The following GRIN2A variants were observed in gnomAD, a reference collection of about 807,000 sequenced individuals.
GRIN2A encodes the protein glutamate ionotropic receptor NMDA type subunit 2A.
In GRIN2A, 22 loss-of-function variants were observed where a neutral mutation model predicts 113.4. The observed-to-expected ratio is 0.19, with a 90% CI of 0.14 to 0.28. The LOEUF (loss-of-function observed/expected upper bound fraction) is 0.28. GRIN2A is among the 10% of genes least tolerant of loss of function. GRIN2A has a pLI of 1.00. For missense variants in GRIN2A, 1,502 were observed against 1,887.0 expected (o/e 0.80, Z 3.78); for synonymous variants, 827 against 738.4 (o/e 1.12, Z -1.94).
intron 2 of GRIN2A, among the ~76,000 whole-genome samples, chr16:9,956,466 C>T (rs1264451870): frequency 6.6e-6 from 1 of 152,162 alleles, no homozygotes; most frequent in Admixed American, 6.5e-5. Flanking sequence ...ATCTTACCAA[C>T]TTCTAGAACT....
chr16:10,096,673 A>G (rs1399848389), intron 2 of GRIN2A, among the ~76,000 whole-genome samples: 1 of 151,900 alleles, frequency 6.6e-6, no homozygotes, highest in Admixed American at 6.6e-5. Context: ...GAAAGTGTGG[A>G]TTTTACTCCA....
chr16:10,139,824 T>C (rs926579843), intron 2 of GRIN2A, among the ~76,000 whole-genome samples: 1 of 126,728 alleles, frequency 7.9e-6, no homozygotes, highest in African/African-American at 2.7e-5. Flanking sequence ...CCCAGAGAGA[T>C]GAGATAAATA....
chr16:9,849,328 T>C (rs1194238398), intron 5 of GRIN2A, among the ~76,000 whole-genome samples: 1 of 150,768 alleles, frequency 6.6e-6, no homozygotes, highest in African/African-American at 2.4e-5. Context: ...AATATGTATG[T>C]TCAAAAATAA....
chr16:9,923,611 G>A lies in GRIN2A; in HGVS notation c.1007+14348C>T, dbSNP rs187032307. Among the ~76,000 whole-genome samples, 677 of 151,836 alleles carry A rather than the reference G, an allele frequency of 4.5e-3. 4 individuals carry two copies. The highest frequency in any genetic ancestry group is 0.014 in the Middle Eastern group (4 of 292). Reference sequence around the variant, plus strand: ...GTTAGTGGTTTGTTTAGAGTTTATAGTATATATTTTAAATTTATCATGGTT... The same window carrying A: ...GTTAGTGGTTTGTTTAGAGTTTATAATATATATTTTAAATTTATCATGGTT... On this transcript the variant is annotated intron_variant, in intron 3 of 12. Coordinates refer to ENST00000330684, the MANE Select transcript of GRIN2A (RefSeq NM_001134407.3).
chr16:10,155,148 G>A (rs1193189109), intron 2 of GRIN2A, among the ~76,000 whole-genome samples: 1 of 152,156 alleles, frequency 6.6e-6, no homozygotes, highest in East Asian at 1.9e-4. Flanking sequence ...CCCTCTTTGG[G>A]AAAGTCTAGA....
chr16:10,036,584 G>T (rs2141943985), intron 2 of GRIN2A, among the ~76,000 whole-genome samples: 1 of 147,014 alleles, frequency 6.8e-6, no homozygotes, highest in East Asian at 2.0e-4. Context: ...GGGACTACAG[G>T]CACCCGCCAC....
intron 11 of GRIN2A, among the ~76,000 whole-genome samples, chr16:9,772,751 G>C (rs112728233): frequency 4.0e-5 from 6 of 151,894 alleles, no homozygotes; most frequent in Admixed American, 2.6e-4. Flanking sequence ...TCTTCCTTTC[G>C]GTGTTGCCTC....
In GRIN2A at chr16:9,938,209, A is replaced by G; in HGVS notation, c.757T>C (p.Phe253Leu). Reference sequence around the variant, plus strand: ...ACCAAGCTGGGGACAATCCAGAAGAAATCATACCCGGTGAGGCCAAGGGAG... The same window carrying G: ...ACCAAGCTGGGGACAATCCAGAAGAGATCATACCCGGTGAGGCCAAGGGAG... The part of the protein sequence containing the change: ...ARSLGLTGYD[F>L]FWIVPSLVSG... The change falls in exon 3 of 13, where the codon TTC (phenylalanine) becomes CTC (leucine). Residue 253 changes from phenylalanine to leucine, a missense_variant. Around this residue, in one of 7 missense-constraint regions of GRIN2A, gnomAD observed 334 missense variants for 403.0 expected, o/e 0.83. Coordinates refer to ENST00000330684, the MANE Select transcript of GRIN2A (RefSeq NM_001134407.3). 6.2e-7 allele frequency: 1 copy of G among 1,614,130 alleles called. No homozygotes were observed. The highest frequency in any genetic ancestry group is 8.5e-7 in the Non-Finnish European group (1 of 1,179,946).
At chr16:10,010,445 G>T (rs1056399283) in intron 2 of GRIN2A, among the ~76,000 whole-genome samples, 1 of 152,106 alleles carries the variant, frequency 6.6e-6, no homozygotes, top group Non-Finnish European at 1.5e-5. Flanking sequence ...TAACAAACTT[G>T]CACATGAACC....
chr16:10,088,195 C>T (rs2048118151), intron 2 of GRIN2A, among the ~76,000 whole-genome samples: 1 of 152,164 alleles, frequency 6.6e-6, no homozygotes. Flanking sequence ...TTGCACATCC[C>T]AGGCTCAGAG....
chr16:9,926,043 G>T (rs370588769), intron 3 of GRIN2A, among the ~76,000 whole-genome samples: 1 of 152,066 alleles, frequency 6.6e-6, no homozygotes, highest in African/African-American at 2.4e-5. Context: ...ATGTCATAAC[G>T]CCACTGCACA....
intron 4 of GRIN2A, among the ~76,000 whole-genome samples, chr16:9,856,436 T>A (rs1030930306): frequency 6.6e-6 from 1 of 151,622 alleles, no homozygotes; most frequent in Admixed American, 6.6e-5. Flanking sequence ...CTGGCTAACA[T>A]GGTGAAACCC....
intron 2 of GRIN2A, among the ~76,000 whole-genome samples, chr16:10,076,191 C>T (rs369932662): frequency 6.6e-6 from 1 of 152,178 alleles, no homozygotes; most frequent in Admixed American, 6.5e-5. Context: ...ATAGGCCTTC[C>T]TCTGAGTCAC....
intron 2 of GRIN2A, 134 bp from the exon 3 acceptor site, chr16:9,938,685 T>TCCC: frequency 1.4e-6 from 1 of 704,882 alleles, no homozygotes; most frequent in Non-Finnish European, 2.5e-6. Context: ...ATCTACTATA[T>TCCC]CCCAGACTCC....
Position 10,083,871 on chromosome 16 carries a change from G to A in GRIN2A, c.414+96127C>T, listed in dbSNP as rs538717416. On this transcript the variant is annotated intron_variant, in intron 2 of 12. Coordinates refer to ENST00000330684, the MANE Select transcript of GRIN2A (RefSeq NM_001134407.3). Reference sequence around the variant, plus strand: ...AGTCCCAGAACTTTGGGAGGCCAAGGCAGGTGGATCACTAAAGCTCAGGAG... The same window carrying A: ...AGTCCCAGAACTTTGGGAGGCCAAGACAGGTGGATCACTAAAGCTCAGGAG... Among the ~76,000 whole-genome samples, 10 of 152,284 alleles carry A rather than the reference G, an allele frequency of 6.6e-5. No homozygotes were observed. In the East Asian group the frequency reaches 1.7e-3, roughly 26 times the overall value.
In GRIN2A at chr16:9,970,706, T is replaced by C. The variant is rs1000708108; in HGVS notation, c.415-32155A>G. The C allele has an allele frequency of 5.7e-6, 5 of 874,432 alleles. No homozygotes were observed. The African/African-American group carries it at 7.3e-5, about 13-fold the overall frequency. The allele number at this position is 874,432 out of a possible 1,614,324, so 54.2% of individuals were successfully genotyped here. ...ATGAGCTAGACACAAAGTTAGGTAC[T>C]GAAGATAAAATAAATAAAGCAGGCA... On this transcript the variant is annotated intron_variant, in intron 2 of 12. Transcript: ENST00000330684.
At chr16:10,109,425 G>A (rs2048566804) in intron 2 of GRIN2A, among the ~76,000 whole-genome samples, 1 of 151,910 alleles carries the variant, frequency 6.6e-6, no homozygotes, top group African/African-American at 2.4e-5. Context: ...ATGTTATGAG[G>A]ATAGTATTAC....
intron 2 of GRIN2A, among the ~76,000 whole-genome samples, chr16:9,960,414 G>A (rs780774038): frequency 3.3e-5 from 5 of 152,132 alleles, no homozygotes; most frequent in Non-Finnish European, 7.4e-5. Flanking sequence ...TGTAGCATAT[G>A]GATGCCTTTA....
intron 2 of GRIN2A, among the ~76,000 whole-genome samples, chr16:10,024,490 T>C (rs1407841648): frequency 2.0e-5 from 3 of 152,236 alleles, no homozygotes; most frequent in Non-Finnish European, 1.5e-5. Context: ...AGTGCTGGAA[T>C]TACAGGCGTG....
Sources: allele counts gnomAD v4.1 joint callset (sites outside exome capture counted in the v4.1 genomes callset), GRCh38; gene constraint gnomAD v4.1.1; regional missense constraint gnomAD v4.1.1; transcripts MANE v1.5; gene names NCBI Gene and HGNC (gene_info 2026-07-23, HGNC 2026-07-21).